ZNF512: variants seen among roughly 807,000 people sequenced by gnomAD.
ZNF512 encodes zinc finger protein 512.
Under a neutral mutation model 77.5 loss-of-function variants are expected in ZNF512, and 25 were observed. The ratio of observed to expected loss-of-function variants is 0.32; its 90% CI spans 0.23 to 0.45. The LOEUF is 0.45. Among genes scored for constraint, ZNF512 ranks in the 20% least tolerant of loss-of-function variants. ZNF512 has a pLI of 1.00. For synonymous variants in ZNF512, 246 were observed against 239.9 expected (o/e 1.03, Z -0.24); for missense variants, 483 against 692.6 (o/e 0.70, Z 3.40).
chr2:27,607,070 A>T (rs1053356188), intron 9 of ZNF512, among the ~76,000 whole-genome samples: 1 of 152,078 alleles, frequency 6.6e-6, no homozygotes, highest in Admixed American at 6.6e-5. Flanking sequence ...GATCTGTCTT[A>T]CTTAAAGTCA....
chr2:27,617,927 G>A (rs985268383), intron 13 of ZNF512, among the ~76,000 whole-genome samples: 150 of 139,276 alleles, frequency 1.1e-3, no homozygotes, highest in Non-Finnish European at 1.7e-3. Flanking sequence ...AAAAATCACT[G>A]TGACTGTAAG....
chr2:27,614,081 T>A (rs1368943391), intron 10 of ZNF512, among the ~76,000 whole-genome samples: 2 of 152,178 alleles, frequency 1.3e-5, no homozygotes, highest in African/African-American at 4.8e-5. Flanking sequence ...CTTTTATAGA[T>A]TTACCAGAGG....
intron 11 of ZNF512, among the ~76,000 whole-genome samples, chr2:27,615,914 A>G (rs911367398): frequency 5.3e-5 from 8 of 152,214 alleles, no homozygotes; most frequent in African/African-American, 1.7e-4. Context: ...TACTTTGCAG[A>G]GGAGTAAATA....
chr2:27,610,643 T>A (rs1031045497), intron 10 of ZNF512, among the ~76,000 whole-genome samples: 1 of 132,658 alleles, frequency 7.5e-6, no homozygotes, highest in Non-Finnish European at 1.6e-5. Context: ...AGTGCTGGCG[T>A]GATCTCGGTT....
chr2:27,619,555 A>G (rs1186054828), intron 13 of ZNF512, among the ~76,000 whole-genome samples: 1 of 152,138 alleles, frequency 6.6e-6, no homozygotes, highest in Non-Finnish European at 1.5e-5. Flanking sequence ...TTATTGATTT[A>G]TGCCTCTATG....
intron 1 of ZNF512, 51 bp from the exon 2 acceptor site, chr2:27,583,607 G>T: frequency 6.2e-7 from 1 of 1,605,694 alleles, no homozygotes; most frequent in South Asian, 1.1e-5. Context: ...TCTTTTTGTG[G>T]TCGAGGTTCA....
chr2:27,618,386 A>G (rs1197919442), intron 13 of ZNF512, among the ~76,000 whole-genome samples: 1 of 152,234 alleles, frequency 6.6e-6, no homozygotes, highest in African/African-American at 2.4e-5. Flanking sequence ...AATACTGGAT[A>G]AAACAACTAA....
At chr2:27,610,569 T>TATATATATATATATACATA (rs70953871) in intron 10 of ZNF512, among the ~76,000 whole-genome samples, 2 of 15,802 alleles carry the variant, frequency 1.3e-4, no homozygotes, top group Non-Finnish European at 2.3e-4. Context: ...TATATATATA[T>TATATATATATATATACATA]TTTTTTTTTT....
intron 12 of ZNF512, chr2:27,617,201 G>T: frequency 3.1e-6 from 1 of 326,060 alleles, no homozygotes; most frequent in Non-Finnish European, 5.8e-6. Context: ...AAGGTAGAAA[G>T]ATGTGGCATA....
In ZNF512 at chr2:27,601,454, T is replaced by G; in HGVS notation, c.669+12T>G. 3 of 1,605,656 alleles carry G rather than the reference T, an allele frequency of 1.9e-6. No homozygotes were observed. Among genetic ancestry groups the G allele is most frequent in the South Asian group, 2.2e-5 (2 of 88,970 alleles). ...ATCATAATAGTTTGGTAAGAGTGTC[T>G]TCTGTCTTTTGTGAGTGTTTGGATG... On this transcript the variant is annotated intron_variant, in intron 7 of 13. Transcript: ENST00000355467.
At chr2:27,611,542 G>A (rs1672665125) in intron 10 of ZNF512, among the ~76,000 whole-genome samples, 1 of 152,110 alleles carries the variant, frequency 6.6e-6, no homozygotes, top group South Asian at 2.1e-4. Flanking sequence ...CAGTTGCTTA[G>A]GGTGTGTTTT....
chr2:27,607,931 T>C lies in ZNF512; in HGVS notation c.1023T>C (p.Arg341=). 1 of 1,614,104 alleles carries C rather than the reference T, an allele frequency of 6.2e-7. No individual in the cohort carries two copies. The highest frequency in any genetic ancestry group is 8.5e-7 in the Non-Finnish European group (1 of 1,180,014). Residue 341 remains arginine (R), a synonymous_variant, in exon 10 of 14, where the codon CGT becomes CGC. Coordinates refer to ENST00000355467, the MANE Select transcript of ZNF512 (RefSeq NM_032434.4). ...ESKSGGRVQR[R]SAKIAVYHLQ... Reference sequence around the variant, plus strand: ...AGAGTGGGGGCCGAGTTCAGAGACGTTCTGCCAAGATAGCTGTATACCACC... The same window carrying C: ...AGAGTGGGGGCCGAGTTCAGAGACGCTCTGCCAAGATAGCTGTATACCACC...
At chr2:27,612,578 T>C (rs989662978) in intron 10 of ZNF512, among the ~76,000 whole-genome samples, 2 of 152,206 alleles carry the variant, frequency 1.3e-5, no homozygotes, top group African/African-American at 4.8e-5. Context: ...ACAAGTTTCC[T>C]TCTAGCCTTC....
chr2:27,604,328 TG>T (rs1672263610), intron 9 of ZNF512, among the ~76,000 whole-genome samples: 1 of 152,170 alleles, frequency 6.6e-6, no homozygotes, highest in Non-Finnish European at 1.5e-5. Context: ...TAAATTTTTT[TG>T]TTCTCATTAC....
chr2:27,599,641 C>T lies in ZNF512; in HGVS notation c.336C>T (p.Asp112=). The stretch of plus-strand genomic sequence containing the variant: ...AACCCAGGCAGGAAGAAGATGAAGA[C>T]TATCGAGAATTTCCTCAGAAGAAGC... The part of the protein sequence containing the change: ...KRKPRQEEDE[D]YREFPQKKHK... Residue 112 remains aspartate (D), a synonymous_variant, in exon 4 of 14, where the codon GAC becomes GAT. Transcript: ENST00000355467. 1.2e-6 allele frequency: 2 copies of T among 1,614,166 alleles called. No homozygotes were observed. Among genetic ancestry groups the T allele is most frequent in the Non-Finnish European group, 1.7e-6 (2 of 1,180,014 alleles).
chr2:27,584,055 T>G (rs1024599965), intron 2 of ZNF512, among the ~76,000 whole-genome samples: 2 of 152,232 alleles, frequency 1.3e-5, no homozygotes, highest in Non-Finnish European at 2.9e-5. Context: ...ATGTGGCTAG[T>G]GCGACTGAGG....
chr2:27,589,143 A>G (rs1368671765), intron 2 of ZNF512, among the ~76,000 whole-genome samples: 3 of 152,286 alleles, frequency 2.0e-5, no homozygotes, highest in Admixed American at 6.5e-5. Context: ...TTTGTAAACA[A>G]TCATATAATC....
In ZNF512 at chr2:27,615,087, A is replaced by G. The variant is rs181106164; in HGVS notation, c.1132-81A>G. 3.3e-4 allele frequency: 262 copies of G among 798,650 alleles called. No homozygotes were observed. In the Admixed American group the frequency reaches 4.9e-3, roughly 15 times the overall value. 49.5% of individuals were successfully genotyped at this position (798,650 alleles called of 1,614,324 possible). A position where few individuals can be genotyped will look rare whatever the true frequency, so the allele number is the denominator to read the frequency against. ...TATAGATTTCAGAATTATATAACCT[A>G]AAGAGTTGGGTGTGAAACTTTTGGG... On this transcript the variant is annotated intron_variant, in intron 10 of 13. Transcript: ENST00000355467.
intron 9 of ZNF512, among the ~76,000 whole-genome samples, chr2:27,606,794 A>AG (rs1672383328): frequency 6.6e-6 from 1 of 152,228 alleles, no homozygotes; most frequent in South Asian, 2.1e-4. Context: ...TCCTCTGCTT[A>AG]GAGTCTCACC....
Sources: gnomAD v4.1 joint callset for allele counts (sites outside exome capture counted in the v4.1 genomes callset) on GRCh38, gnomAD v4.1.1 for gene constraint, MANE v1.5 for transcripts, NCBI Gene and HGNC (gene_info 2026-07-23, HGNC 2026-07-21) for gene names.